Variants in IGFL2 observed in about 807,000 individuals in gnomAD.
IGFL2 encodes IGF like family member 2.
A neutral mutation model predicts 13.9 loss-of-function variants in IGFL2; 7 were observed. The observed-to-expected ratio is 0.51, with a 90% CI of 0.29 to 0.95. IGFL2 has a LOEUF of 0.95. Ranked by LOEUF, IGFL2 falls within the 40% of genes least tolerant of loss-of-function variation. IGFL2 has a pLI of 0.08. For synonymous variants in IGFL2, 55 were observed against 55.8 expected, an observed-to-expected ratio of 0.99 and a Z score of 0.07; for missense variants, 138 against 147.8, an observed-to-expected ratio of 0.93 and a Z score of 0.34.
the IGFL2 span, among the ~76,000 whole-genome samples, chr19:46,175,448 A>T: frequency 6.6e-6 from 1 of 152,212 alleles, no homozygotes; most frequent in Non-Finnish European, 1.5e-5. Context: ...TGAATGAGAG[A>T]GGTATACATC....
At chr19:46,166,281 T>C (rs563275084), downstream of IGFL2, among the ~76,000 whole-genome samples, 129 of 152,242 alleles carry the variant, frequency 8.5e-4, 2 homozygotes, top group Middle Eastern at 0.017. Context: ...GCTGGGCGTC[T>C]GGGCGAGACA....
chr19:46,080,362 C>T, the IGFL2 span, among the ~76,000 whole-genome samples: 1 of 151,780 alleles, frequency 6.6e-6, no homozygotes, highest in Non-Finnish European at 1.5e-5. Context: ...AGCGAGTCAA[C>T]TTAGGGAGAT....
the IGFL2 span, among the ~76,000 whole-genome samples, chr19:46,096,081 A>C: frequency 1.3e-5 from 2 of 152,150 alleles, no homozygotes; most frequent in Non-Finnish European, 2.9e-5. Context: ...TTTGATGGGA[A>C]TATCATTGAA....
At chr19:46,125,305 C>G in the IGFL2 span, among the ~76,000 whole-genome samples, 93 of 152,292 alleles carry the variant, frequency 6.1e-4, 1 homozygote, top group South Asian at 0.018. Flanking sequence ...CCTCCAGCAT[C>G]TTAGTTACAT....
At chr19:46,098,437 C>T in the IGFL2 span, among the ~76,000 whole-genome samples, 1 of 151,310 alleles carries the variant, frequency 6.6e-6, no homozygotes, top group Non-Finnish European at 1.5e-5. Context: ...ATACAGCACA[C>T]CAATGGGTCT....
At chr19:46,201,342 C>T in the IGFL2 span, among the ~76,000 whole-genome samples, 1 of 152,266 alleles carries the variant, frequency 6.6e-6, no homozygotes, top group Non-Finnish European at 1.5e-5. Context: ...ATGCCCCAGC[C>T]TTGCTGCCCA....
chr19:46,120,450 T>A, the IGFL2 span: 1 of 1,562,938 alleles, frequency 6.4e-7, no homozygotes, highest in Non-Finnish European at 8.7e-7. Context: ...AACTTGACTT[T>A]AACAGACTTG....
chr19:46,177,652 GTCC>G, the IGFL2 span, among the ~76,000 whole-genome samples: 123 of 152,192 alleles, frequency 8.1e-4, 2 homozygotes, highest in Middle Eastern at 0.017. Context: ...CCTTTGGAGA[GTCC>G]TCCTACCCCT....
chr19:46,129,307 T>TTTTTTGTG, the IGFL2 span, among the ~76,000 whole-genome samples: 1 of 136,950 alleles, frequency 7.3e-6, no homozygotes, highest in African/African-American at 2.8e-5. Flanking sequence ...TGTTGATCTT[T>TTTTTTGTG]TGTGTGTGTG....
At chr19:46,171,136 A>T in the IGFL2 span, among the ~76,000 whole-genome samples, 2 of 152,094 alleles carry the variant, frequency 1.3e-5, no homozygotes, top group African/African-American at 2.4e-5. Context: ...CCGACCTGTG[A>T]TGTCTTCCCC....
chr19:46,196,638 C>T, the IGFL2 span, among the ~76,000 whole-genome samples: 1 of 152,216 alleles, frequency 6.6e-6, no homozygotes, highest in Admixed American at 6.5e-5. Flanking sequence ...TTGCCCTGAA[C>T]CCTAGGCCCA....
the IGFL2 span, chr19:46,189,909 G>C: frequency 6.6e-6 from 1 of 152,056 alleles, no homozygotes; most frequent in Non-Finnish European, 1.5e-5. Flanking sequence ...TCTTGCCTCG[G>C]CACCTGGGTG....
chr19:46,151,283 A>G (rs1973472827), intron 1 of IGFL2, among the ~76,000 whole-genome samples: 1 of 152,224 alleles, frequency 6.6e-6, no homozygotes, highest in Admixed American at 6.5e-5. Context: ...GGTATGAGGA[A>G]GAGATCCTCT....
At chr19:46,191,686 A>G in the IGFL2 span, among the ~76,000 whole-genome samples, 1 of 152,156 alleles carries the variant, frequency 6.6e-6, no homozygotes, top group Non-Finnish European at 1.5e-5. Context: ...GCAGGTCATC[A>G]CAGACTCAGG....
the IGFL2 span, chr19:46,198,064 CTTCCTTCCTTCCTTCCT>C: frequency 1.5e-5 from 1 of 66,050 alleles, no homozygotes; most frequent in African/African-American, 5.7e-5. Context: ...CCTTCCTTTC[CTTCCTTCCTTCCTTCCT>C]TCCTTTCTTT....
At chr19:46,209,375 T>C in the IGFL2 span, 2 of 152,200 alleles carry the variant, frequency 1.3e-5, no homozygotes, top group Non-Finnish European at 2.9e-5. Context: ...TCAGATGCAC[T>C]GGGGAAGAAC....
At chr19:46,172,414 CT>C in the IGFL2 span, among the ~76,000 whole-genome samples, 1 of 152,276 alleles carries the variant, frequency 6.6e-6, no homozygotes, top group East Asian at 1.9e-4. Context: ...ACGTGAGTAA[CT>C]TCACCAGGTT....
the IGFL2 span, among the ~76,000 whole-genome samples, chr19:46,177,495 A>G: frequency 1.2e-4 from 19 of 152,176 alleles, no homozygotes; most frequent in Admixed American, 9.2e-4. Flanking sequence ...CGCATTATAT[A>G]TAAAATACTC....
the IGFL2 span, among the ~76,000 whole-genome samples, chr19:46,188,833 G>A: frequency 6.6e-6 from 1 of 152,150 alleles, no homozygotes; most frequent in Non-Finnish European, 1.5e-5. Context: ...CACACCTTTA[G>A]CAACTCGGAC....
Sources: gnomAD v4.1 joint callset for allele counts (sites outside exome capture counted in the v4.1 genomes callset) on GRCh38, gnomAD v4.1.1 for gene constraint, MANE v1.5 for transcripts, NCBI Gene and HGNC (gene_info 2026-07-23, HGNC 2026-07-21) for gene names.